PSMD14: variants seen among roughly 807,000 people sequenced by gnomAD.
PSMD14 encodes proteasome 26S subunit, non-ATPase 14, also known as ubiquitin C-terminal hydrolase PSMD14.
Under a neutral mutation model 41.2 loss-of-function variants are expected in PSMD14, and 7 were observed. The ratio of observed to expected loss-of-function variants is 0.17; its 90% CI spans 0.10 to 0.32. PSMD14 has a LOEUF of 0.32. Ranked by LOEUF, PSMD14 falls within the 10% of genes least tolerant of loss-of-function variation. The pLI is 1.00. For synonymous variants in PSMD14, 114 were observed against 122.3 expected (o/e 0.93, Z 0.45); for missense variants, 139 against 375.6 (o/e 0.37, Z 5.21).
At chr2:161,395,566 A>T (rs1302659397) in intron 10 of PSMD14, among the ~76,000 whole-genome samples, 1 of 152,210 alleles carries the variant, frequency 6.6e-6, no homozygotes, top group Non-Finnish European at 1.5e-5. Flanking sequence ...GAGTAAGGGG[A>T]TATAGATAAC....
intron 3 of PSMD14, among the ~76,000 whole-genome samples, chr2:161,333,064 C>T (rs572190749): frequency 5.3e-5 from 8 of 152,334 alleles, no homozygotes; most frequent in African/African-American, 1.2e-4. Context: ...ATGACTTTAG[C>T]ATCTGTCTTG....
intron 10 of PSMD14, chr2:161,407,559 A>G (rs1266636637): frequency 6.6e-6 from 1 of 152,106 alleles, no homozygotes; most frequent in African/African-American, 2.4e-5. Flanking sequence ...CTCATTTTCA[A>G]GTTCTCTGTT....
chr2:161,390,727 G>T (rs1559053201), intron 8 of PSMD14, among the ~76,000 whole-genome samples: 1 of 152,080 alleles, frequency 6.6e-6, no homozygotes, highest in African/African-American at 2.4e-5. Flanking sequence ...TGTTATTGTG[G>T]CTTTTTAGGC....
chr2:161,381,676 A>G (rs1475650507), intron 7 of PSMD14: 1 of 151,976 alleles, frequency 6.6e-6, no homozygotes, highest in African/African-American at 2.4e-5. Context: ...TATTCTACTC[A>G]TGAAAGAAGC....
chr2:161,380,258 T>C (rs1683555935), intron 7 of PSMD14, among the ~76,000 whole-genome samples: 1 of 151,964 alleles, frequency 6.6e-6, no homozygotes, highest in African/African-American at 2.4e-5. Flanking sequence ...GCCTCAAGCA[T>C]TTAAACCTCT....
chr2:161,325,303 G>A (rs1022543052), intron 3 of PSMD14, among the ~76,000 whole-genome samples: 3 of 151,970 alleles, frequency 2.0e-5, no homozygotes, highest in Non-Finnish European at 1.5e-5. Flanking sequence ...AATTATTTCC[G>A]GTGGCTAGAT....
intron 3 of PSMD14, among the ~76,000 whole-genome samples, chr2:161,340,584 C>T (rs1682937669): frequency 6.6e-6 from 1 of 151,932 alleles, no homozygotes; most frequent in Admixed American, 6.6e-5. Flanking sequence ...CAAAGTGACC[C>T]ACAGGAACAG....
intron 3 of PSMD14, among the ~76,000 whole-genome samples, chr2:161,341,520 G>A (rs982164669): frequency 6.6e-6 from 1 of 151,760 alleles, no homozygotes; most frequent in South Asian, 2.1e-4. Context: ...TTGAAGACCA[G>A]AGTTTTTAAT....
At chr2:161,317,746 A>T (rs1689161394) in intron 2 of PSMD14, among the ~76,000 whole-genome samples, 1 of 152,202 alleles carries the variant, frequency 6.6e-6, no homozygotes, top group South Asian at 2.1e-4. Flanking sequence ...TTTATATAGC[A>T]ATTTGAACTC....
intron 3 of PSMD14, among the ~76,000 whole-genome samples, chr2:161,357,961 A>G (rs1395104021): frequency 2.0e-5 from 3 of 151,858 alleles, no homozygotes; most frequent in Non-Finnish European, 4.4e-5. Flanking sequence ...GTTAACTTGA[A>G]TAGTTCACAT....
chr2:161,317,267 T>C (rs10490567), intron 2 of PSMD14, among the ~76,000 whole-genome samples: 25,642 of 152,138 alleles, frequency 0.17, 2,717 homozygotes, highest in East Asian at 0.3. Flanking sequence ...GATCGTGAAG[T>C]GGAAATTTTG....
intron 9 of PSMD14, 33 bp from the exon 10 acceptor site, chr2:161,395,044 CA>C: frequency 6.6e-7 from 1 of 1,522,822 alleles, no homozygotes; most frequent in Non-Finnish European, 8.8e-7. Context: ...ATCCTCAAGG[CA>C]GAAAAAGAAT....
At chr2:161,401,495 A>G (rs1046784779) in intron 10 of PSMD14, among the ~76,000 whole-genome samples, 1 of 152,230 alleles carries the variant, frequency 6.6e-6, no homozygotes, top group Admixed American at 6.5e-5. Context: ...AGCTGGGGTC[A>G]TTGATACCTT....
chr2:161,311,775 C>T (rs1192067176), intron 1 of PSMD14, among the ~76,000 whole-genome samples: 1 of 151,802 alleles, frequency 6.6e-6, no homozygotes. Flanking sequence ...CCATCACGCC[C>T]GGCTAGTTTT....
chr2:161,319,671 A>C (rs144860771), intron 3 of PSMD14, among the ~76,000 whole-genome samples: 17 of 152,230 alleles, frequency 1.1e-4, no homozygotes, highest in Admixed American at 5.9e-4. Context: ...GTCCCTTTTA[A>C]AATCTCTTTA....
chr2:161,337,062 C>G (rs1447158670), intron 3 of PSMD14, among the ~76,000 whole-genome samples: 1 of 152,110 alleles, frequency 6.6e-6, no homozygotes, highest in African/African-American at 2.4e-5. Context: ...CTTTTAAAAA[C>G]CATTAACCAA....
intron 11 of PSMD14, among the ~76,000 whole-genome samples, chr2:161,409,141 T>G (rs1683992759): frequency 6.6e-6 from 1 of 151,990 alleles, no homozygotes; most frequent in African/African-American, 2.4e-5. Context: ...AGGAACAAAT[T>G]AGGACACTTG....
intron 3 of PSMD14, among the ~76,000 whole-genome samples, chr2:161,358,690 A>T (rs972123325): frequency 1.3e-5 from 2 of 152,180 alleles, no homozygotes; most frequent in African/African-American, 4.8e-5. Context: ...CACGCCTGTA[A>T]TCCCAACACT....
intron 8 of PSMD14, among the ~76,000 whole-genome samples, chr2:161,386,562 A>G (rs1336708791): frequency 6.8e-6 from 1 of 147,396 alleles, no homozygotes; most frequent in Non-Finnish European, 1.5e-5. Flanking sequence ...TGTTGATTTG[A>G]AAAAAAAAAA....
Sources: gnomAD v4.1 joint callset for allele counts (sites outside exome capture counted in the v4.1 genomes callset) on GRCh38, gnomAD v4.1.1 for gene constraint, MANE v1.5 for transcripts, NCBI Gene and HGNC (gene_info 2026-07-23, HGNC 2026-07-21) for gene names.